The following SENP6 variants were observed in gnomAD, a reference collection of about 807,000 sequenced individuals.
SENP6 encodes the protein sentrin-specific protease 6.
In SENP6, 41 loss-of-function variants were observed where a neutral mutation model predicts 134.5. The ratio of observed to expected loss-of-function variants is 0.30; its 90% CI spans 0.24 to 0.40. The LOEUF (loss-of-function observed/expected upper bound fraction) is 0.40. SENP6 is among the 10% of genes least tolerant of loss of function. SENP6 has a pLI of 1.00. For synonymous variants in SENP6, 395 were observed against 429.8 expected (o/e 0.92, Z 1.00); for missense variants, 1,248 against 1,312.5 (o/e 0.95, Z 0.76).
Position 75,663,205 on chromosome 6 carries a change from T to G in SENP6, c.697-16T>G, listed in dbSNP as rs1220375235. 4 of 1,604,342 alleles carry G rather than the reference T, an allele frequency of 2.5e-6. No homozygotes were observed. In the African/African-American group the frequency reaches 5.4e-5, roughly 22 times the overall value. ...ATCAGACCAAATGCCAAAGTTGTGGTGTTCTTTTTTCTAAGGATTTGCAAA... is the reference window on the plus strand; with the variant it reads ...ATCAGACCAAATGCCAAAGTTGTGGGGTTCTTTTTTCTAAGGATTTGCAAA... On this transcript the variant is annotated splice_polypyrimidine_tract_variant and intron_variant, in intron 8 of 23. Transcript: ENST00000447266.
chr6:75,627,868 G>A (rs565449126), intron 3 of SENP6, among the ~76,000 whole-genome samples: 3 of 152,074 alleles, frequency 2.0e-5, no homozygotes, highest in East Asian at 1.9e-4. Flanking sequence ...AGTAAGAGAC[G>A]GGGTTTCACC....
At chr6:75,652,299 C>T (rs1770927522) in intron 7 of SENP6, among the ~76,000 whole-genome samples, 1 of 151,902 alleles carries the variant, frequency 6.6e-6, no homozygotes, top group African/African-American at 2.4e-5. Context: ...GCATGAGCCA[C>T]CACGCCCAGC....
chr6:75,613,606 G>A (rs189276610), intron 1 of SENP6, among the ~76,000 whole-genome samples: 68 of 151,232 alleles, frequency 4.5e-4, no homozygotes, highest in African/African-American at 1.6e-3. Context: ...ATAAATAAGC[G>A]ATTATATTTA....
chr6:75,677,033 TAGA>T lies in SENP6; in HGVS notation c.1630_1632del (p.Glu544del), dbSNP rs767066429. The T allele has an allele frequency of 1.4e-6, 2 of 1,423,060 alleles. No homozygotes were observed. The highest frequency in any genetic ancestry group is 9.8e-7 in the Non-Finnish European group (1 of 1,024,814). 88.2% of individuals were successfully genotyped at this position (1,423,060 alleles called of 1,614,324 possible). On this transcript the variant is annotated inframe_deletion, in exon 14 of 24. Transcript: ENST00000447266. ...ACTTATATTTATTTCTTTTCAGATT[TAGA>T]AGAACAATATATAATTTTAATTTTT...
rs1776037871 is a variant in SENP6, at chr6:75,716,745, C to G, written c.*1151C>G. On this transcript the variant is annotated 3_prime_UTR_variant, in exon 24 of 24. Transcript: ENST00000447266. ...ATGGTGTATACTTCTTTCAAATGAA[C>G]TTTGAGACTTGAAACATATTTTAGT... 1 of 151,862 alleles carries G rather than the reference C, an allele frequency of 6.6e-6. No individual in the cohort carries two copies. The allele number at this position is 151,862 out of a possible 1,614,324, so 9.4% of individuals were successfully genotyped here. A position where few individuals can be genotyped will look rare whatever the true frequency, so the allele number is the denominator to read the frequency against.
chr6:75,609,509 A>G (rs1008179274), intron 1 of SENP6, among the ~76,000 whole-genome samples: 7 of 152,310 alleles, frequency 4.6e-5, no homozygotes, highest in Middle Eastern at 6.8e-3. Context: ...AAGAATGACA[A>G]ATAATTTGCA....
intron 16 of SENP6, among the ~76,000 whole-genome samples, chr6:75,682,795 C>T (rs1399431697): frequency 6.6e-6 from 1 of 152,154 alleles, no homozygotes; most frequent in Non-Finnish European, 1.5e-5. Flanking sequence ...TTCCTTAATC[C>T]AGTCTATCAT....
chr6:75,629,014 T>G (rs1179538578), intron 3 of SENP6, among the ~76,000 whole-genome samples: 1 of 152,132 alleles, frequency 6.6e-6, no homozygotes, highest in African/African-American at 2.4e-5. Flanking sequence ...CATAAGCCAC[T>G]GTGCCTGGCC....
chr6:75,682,552 C>T (rs1773538689), intron 16 of SENP6, among the ~76,000 whole-genome samples: 2 of 152,088 alleles, frequency 1.3e-5, no homozygotes, highest in Admixed American at 1.3e-4. Flanking sequence ...CTATCCCTCC[C>T]CCAGCCCTCC....
intron 19 of SENP6, 138 bp from the exon 20 acceptor site, chr6:75,709,389 G>A: frequency 3.8e-6 from 2 of 529,726 alleles, no homozygotes; most frequent in Non-Finnish European, 3.3e-6. Flanking sequence ...CTTTATGTTT[G>A]TGATATTACA....
chr6:75,633,668 A>G lies in SENP6; in HGVS notation c.295A>G (p.Lys99Glu). 6.2e-7 allele frequency: 1 copy of G among 1,612,654 alleles called. No homozygotes were observed. The highest frequency in any genetic ancestry group is 1.1e-5 in the South Asian group (1 of 90,828). The change falls in exon 4 of 24, where the codon AAA becomes GAA. Residue 99 changes from lysine (K) to glutamate (E), a missense_variant. Transcript: ENST00000447266. ...AAGACGAAACAAGTCTGAAAGTTTT[A>G]AAACTTTGAAAGGCAACCCAATTGG... ...YVRRNKSESF[K>E]TLKGNPIGLN...
intron 17 of SENP6, among the ~76,000 whole-genome samples, chr6:75,696,506 C>T (rs142386369): frequency 6.9e-4 from 105 of 152,238 alleles, no homozygotes; most frequent in African/African-American, 2.0e-3. Flanking sequence ...AAGACAGGGT[C>T]TCACTCTGTC....
Position 75,663,359 on chromosome 6 carries a change from A to T in SENP6, c.835A>T (p.Asn279Tyr), listed in dbSNP as rs753383092. 4.3e-6 allele frequency: 7 copies of T among 1,613,850 alleles called. No homozygotes were observed. Among genetic ancestry groups the T allele is most frequent in the Non-Finnish European group, 5.9e-6 (7 of 1,179,868 alleles). ...AACAACCAAGAAGTTTTATGGCAAC[A>T]ATGTGGAAAAGGTTCCAATTGATAT... Reference protein sequence around the residue: ...GLTTKKFYGNNVEKVPIDIIV... With the variant: ...GLTTKKFYGNYVEKVPIDIIV... Residue 279 changes from asparagine to tyrosine, a missense_variant, in exon 9 of 24, where the codon AAT becomes TAT. By Grantham distance (143) the Asn-to-Tyr change is moderately radical. This residue lies in a region of SENP6 where 733 missense variants were observed against 725.4 expected (regional missense o/e 1.01). Transcript: ENST00000447266.
chr6:75,704,227 G>A (rs1775235187), intron 19 of SENP6, among the ~76,000 whole-genome samples: 1 of 152,148 alleles, frequency 6.6e-6, no homozygotes, highest in Non-Finnish European at 1.5e-5. Flanking sequence ...GACCTGCCCC[G>A]TCACCGGTCT....
In SENP6 at chr6:75,697,432, C is replaced by G. The variant is rs1450173801; in HGVS notation, c.2203C>G (p.Gln735Glu). ...TTTATCTCTTTCTTACAGAATACAG[C>G]AAAAACGGCATGGGAGAGTAAAAAC... ...NHETTNLSIQ[Q>E]KRHGRVKTWT... is the part of the protein sequence containing the mutation. The change falls in exon 18 of 24, where the codon CAA becomes GAA. Residue 735 changes from glutamine (Q) to glutamate (E), a missense_variant. Gln to Glu is a conservative substitution (Grantham distance 29, BLOSUM62 2). Around this residue, in one of 3 missense-constraint regions of SENP6, gnomAD observed 129 missense variants for 192.0 expected, o/e 0.67. Coordinates refer to ENST00000447266, the MANE Select transcript of SENP6 (RefSeq NM_015571.4). 1.9e-6 allele frequency: 3 copies of G among 1,609,098 alleles called. No homozygotes were observed. The highest frequency in any genetic ancestry group is 2.5e-6 in the Non-Finnish European group (3 of 1,177,196).
In SENP6 at chr6:75,677,050, A is replaced by T. The variant is rs1388857369; in HGVS notation, c.1642A>T (p.Ile548Phe). 6.5e-7 allele frequency: 1 copy of T among 1,531,430 alleles called. No homozygotes were observed. Among genetic ancestry groups the T allele is most frequent in the South Asian group, 1.2e-5 (1 of 86,484 alleles). 94.9% of individuals were successfully genotyped at this position (1,531,430 alleles called of 1,614,324 possible). A position where few individuals can be genotyped will look rare whatever the true frequency, so the allele number is the denominator to read the frequency against. ...TTCAGATTTAGAAGAACAATATATA[A>T]TTTTAATTTTTCAAAATGGCCTTGA... ...KLTNLEEQYI[I>F]LIFQNGLDPP... is the part of the protein sequence containing the mutation. The change falls in exon 14 of 24, where the codon ATT (isoleucine) becomes TTT (phenylalanine). Residue 548 changes from isoleucine (I) to phenylalanine (F), a missense_variant. Ile to Phe is a conservative substitution (Grantham distance 21). Around this residue, in one of 3 missense-constraint regions of SENP6, gnomAD observed 733 missense variants for 725.4 expected, o/e 1.01. Transcript: ENST00000447266.
At chr6:75,682,417 T>TC (rs397954915) in intron 16 of SENP6, among the ~76,000 whole-genome samples, 2 of 151,914 alleles carry the variant, frequency 1.3e-5, no homozygotes, top group African/African-American at 4.8e-5. Flanking sequence ...TTTTTTTTTT[T>TC]AATTATACTT....
At chr6:75,703,792 T>C (rs1041454354) in intron 19 of SENP6, among the ~76,000 whole-genome samples, 2 of 151,968 alleles carry the variant, frequency 1.3e-5, no homozygotes, top group South Asian at 2.1e-4. Context: ...TTGAGAACTT[T>C]CCATCACTCA....
At chr6:75,667,952 A>G (rs1045505826) in intron 10 of SENP6, among the ~76,000 whole-genome samples, 1 of 152,226 alleles carries the variant, frequency 6.6e-6, no homozygotes, top group Non-Finnish European at 1.5e-5. Flanking sequence ...TTACTTTAGT[A>G]TGAATGTTTT....
Sources: gnomAD v4.1 joint callset for allele counts (sites outside exome capture counted in the v4.1 genomes callset) on GRCh38, gnomAD v4.1.1 for gene constraint, gnomAD v4.1.1 regional missense constraint, MANE v1.5 for transcripts, NCBI Gene and HGNC (gene_info 2026-07-23, HGNC 2026-07-21) for gene names.